YEATS2: variants seen among roughly 807,000 people sequenced by gnomAD.
The protein encoded by YEATS2 is YEATS domain containing 2.
YEATS2 carries 77 observed loss-of-function variants against 163.2 expected under a neutral mutation model. The observed-to-expected ratio is 0.47, with a 90% CI of 0.39 to 0.57. YEATS2 has a LOEUF of 0.57. Among genes scored for constraint, YEATS2 ranks in the 20% least tolerant of loss-of-function variants. The pLI is 0.00. For missense variants in YEATS2, 1,549 were observed against 1,729.8 expected (o/e 0.90, Z 1.85); for synonymous variants, 631 against 645.1 (o/e 0.98, Z 0.33).
intron 19 of YEATS2, among the ~76,000 whole-genome samples, chr3:183,784,481 C>T (rs1332812348): frequency 2.0e-5 from 3 of 151,988 alleles, no homozygotes; most frequent in Non-Finnish European, 2.9e-5. Context: ...AATTAGGTTC[C>T]TTATAGATTC....
chr3:183,799,099 G>T, intron 23 of YEATS2, 110 bp downstream of exon 23: 1 of 816,716 alleles, frequency 1.2e-6, no homozygotes, highest in Non-Finnish European at 2.0e-6. Context: ...ACCATAATCT[G>T]AATCTTTTGA....
intron 8 of YEATS2, among the ~76,000 whole-genome samples, chr3:183,746,298 C>G (rs1719530666): frequency 6.6e-6 from 1 of 152,164 alleles, no homozygotes; most frequent in Non-Finnish European, 1.5e-5. Context: ...AAGCAATCAG[C>G]CTGCCTTAGT....
chr3:183,767,807 A>T (rs770091944), intron 15 of YEATS2, among the ~76,000 whole-genome samples: 1 of 152,034 alleles, frequency 6.6e-6, no homozygotes, highest in Non-Finnish European at 1.5e-5. Flanking sequence ...ATGAGCCACC[A>T]CGCCCGGCAG....
chr3:183,714,154 T>G (rs1003227372), intron 1 of YEATS2, among the ~76,000 whole-genome samples: 2 of 151,420 alleles, frequency 1.3e-5, no homozygotes, highest in Non-Finnish European at 2.9e-5. Flanking sequence ...ATAAGGCTAG[T>G]GGTTAATGTA....
intron 27 of YEATS2, 98 bp downstream of exon 27, chr3:183,804,286 G>A (rs1163459510): frequency 1.3e-5 from 19 of 1,447,186 alleles, no homozygotes; most frequent in Middle Eastern, 2.5e-4. Context: ...TGTAGAGAAC[G>A]AGAGCCTTTC....
Position 183,756,061 on chromosome 3 carries a change from C to T in YEATS2, c.1391-467C>T, listed in dbSNP as rs551526994. 7.2e-5 allele frequency among the ~76,000 whole-genome samples: 11 copies of T among 152,186 alleles called. No homozygotes were observed. The South Asian group carries it at 2.3e-3, about 32-fold the overall frequency. On this transcript the variant is annotated intron_variant, in intron 11 of 30. Transcript: ENST00000305135. ...GCACCTGGTGTCTCATGCCCGGTCT[C>T]TAATTTTAGTGTCTTCGAGTATAAC...
intron 18 of YEATS2, 123 bp from the exon 19 acceptor site, chr3:183,777,419 G>A (rs1167342524): frequency 2.9e-6 from 3 of 1,047,466 alleles, no homozygotes; most frequent in Non-Finnish European, 4.1e-6. Context: ...CTACATTGCA[G>A]AATTAAAGGG....
At chr3:183,717,215 A>G (rs1168026583) in intron 2 of YEATS2, among the ~76,000 whole-genome samples, 2 of 151,542 alleles carry the variant, frequency 1.3e-5, no homozygotes, top group Admixed American at 6.6e-5. Context: ...TTTTATAGCT[A>G]TTTCCCTCCC....
rs1049083724 is a variant in YEATS2 at position 183,761,503 on chromosome 3, A to G, written c.1657-4A>G. ...TTGTAAAATATGTATTTTTACACAC[A>G]CAGCAGGAGGATTCTTTGTTTGCAT... On this transcript the variant is annotated splice_polypyrimidine_tract_variant and splice_region_variant and intron_variant, in intron 13 of 30. Coordinates refer to ENST00000305135, the MANE Select transcript of YEATS2 (RefSeq NM_018023.5). 6.2e-7 allele frequency: 1 copy of G among 1,613,298 alleles called. No individual in the cohort carries two copies. The highest frequency in any genetic ancestry group is 1.3e-5 in the African/African-American group (1 of 75,052).
At chr3:183,735,378 C>T (rs1718231952) in intron 7 of YEATS2, among the ~76,000 whole-genome samples, 1 of 152,220 alleles carries the variant, frequency 6.6e-6, no homozygotes, top group African/African-American at 2.4e-5. Flanking sequence ...CCTTTGACCC[C>T]AAGTGTGAAT....
intron 1 of YEATS2, among the ~76,000 whole-genome samples, chr3:183,710,243 A>G (rs1351288196): frequency 2.6e-5 from 4 of 152,228 alleles, no homozygotes; most frequent in African/African-American, 9.6e-5. Flanking sequence ...ACAACTGCTC[A>G]TGTTTCCTTT....
intron 21 of YEATS2, among the ~76,000 whole-genome samples, chr3:183,795,907 A>C (rs1324772844): frequency 6.6e-6 from 1 of 151,502 alleles, no homozygotes; most frequent in Non-Finnish European, 1.5e-5. Context: ...GAAAGTATTT[A>C]AGATTATTCC....
intron 23 of YEATS2, 75 bp downstream of exon 23, chr3:183,799,064 G>A: frequency 8.0e-6 from 9 of 1,130,804 alleles, no homozygotes; most frequent in Non-Finnish European, 1.2e-5. Flanking sequence ...CTCTCCTGAT[G>A]TCCAGAAGCT....
intron 1 of YEATS2, among the ~76,000 whole-genome samples, chr3:183,703,442 C>T (rs1006726770): frequency 1.3e-5 from 2 of 152,040 alleles, no homozygotes; most frequent in Non-Finnish European, 2.9e-5. Flanking sequence ...CTGAGTCTGT[C>T]CTTTAATAGA....
At chr3:183,758,423 G>A (rs1472790988) in intron 12 of YEATS2, among the ~76,000 whole-genome samples, 1 of 152,172 alleles carries the variant, frequency 6.6e-6, no homozygotes, top group Admixed American at 6.6e-5. Flanking sequence ...AAACTACTTT[G>A]AAGGAGCTAG....
At chr3:183,778,036 C>T (rs1213114012) in intron 19 of YEATS2, among the ~76,000 whole-genome samples, 3 of 145,796 alleles carry the variant, frequency 2.1e-5, no homozygotes, top group East Asian at 2.0e-4. Flanking sequence ...CGCTTGGACC[C>T]GGGAGGCGGA....
chr3:183,727,063 A>C (rs1430201333), intron 6 of YEATS2, among the ~76,000 whole-genome samples: 1 of 152,108 alleles, frequency 6.6e-6, no homozygotes, highest in Non-Finnish European at 1.5e-5. Flanking sequence ...GGCCTCCAAA[A>C]GTGCTGAGAT....
chr3:183,807,764 A>T (rs1372103980), intron 28 of YEATS2: 6 of 388,526 alleles, frequency 1.5e-5, no homozygotes, highest in Non-Finnish European at 2.8e-5. Flanking sequence ...GCAGATCCCA[A>T]CCATGTTCTC....
intron 7 of YEATS2, among the ~76,000 whole-genome samples, chr3:183,733,038 C>G (rs991533944): frequency 6.6e-6 from 1 of 151,670 alleles, no homozygotes; most frequent in Non-Finnish European, 1.5e-5. Flanking sequence ...ATTTTTTTAT[C>G]CAGGCTGGTC....
Sources: gnomAD v4.1 joint callset for allele counts (sites outside exome capture counted in the v4.1 genomes callset) on GRCh38, gnomAD v4.1.1 for gene constraint, MANE v1.5 for transcripts, NCBI Gene and HGNC (gene_info 2026-07-23, HGNC 2026-07-21) for gene names.